Variants in ARHGAP19 observed in about 807,000 individuals in gnomAD.
ARHGAP19 encodes the protein rho GTPase-activating protein 19.
A neutral mutation model predicts 60.9 loss-of-function variants in ARHGAP19; 48 were observed. The ratio of observed to expected loss-of-function variants is 0.79; its 90% CI spans 0.62 to 1.00. The LOEUF (loss-of-function observed/expected upper bound fraction) is 1.00. ARHGAP19 is among the 50% of genes least tolerant of loss of function. ARHGAP19 has a pLI of 0.00. For synonymous variants in ARHGAP19, 209 were observed against 215.5 expected (o/e 0.97, Z 0.27); for missense variants, 562 against 597.2 (o/e 0.94, Z 0.61).
At position 97,229,760 on chromosome 10, in the gene ARHGAP19, T is replaced by G; in HGVS notation, c.1395+4A>C. The G allele has an allele frequency of 2.5e-6, 4 of 1,571,344 alleles. No homozygotes were observed. The highest frequency in any genetic ancestry group is 3.5e-6 in the Non-Finnish European group (4 of 1,143,202). ...GACAGACAGTCCAAAGAACAGTGTCTTACTAAGTTCCTATTTTCTTTGCTG... is the reference window on the plus strand; with the variant it reads ...GACAGACAGTCCAAAGAACAGTGTCGTACTAAGTTCCTATTTTCTTTGCTG... On this transcript the variant is annotated splice_donor_region_variant and intron_variant, in intron 10 of 11. Transcript: ENST00000358531.
chr10:97,274,817 G>A (rs1843003350), intron 1 of ARHGAP19, among the ~76,000 whole-genome samples: 1 of 152,170 alleles, frequency 6.6e-6, no homozygotes, highest in Admixed American at 6.5e-5. Flanking sequence ...TAGGCATACA[G>A]AAATAACAAG....
In ARHGAP19 at chr10:97,243,957, C is replaced by A. The variant is rs1321601088; in HGVS notation, c.1185+11G>T. Reference sequence around the variant, plus strand: ...CTAAAGCCCCATCACAACTTCCCTGCCTTTAGGCACCTGTCTAATAAGTTG... The same window carrying A: ...CTAAAGCCCCATCACAACTTCCCTGACTTTAGGCACCTGTCTAATAAGTTG... On this transcript the variant is annotated intron_variant, in intron 8 of 11. Transcript: ENST00000358531. The A allele has an allele frequency of 1.3e-6, 2 of 1,594,658 alleles. No individual in the cohort carries two copies. Among genetic ancestry groups the A allele is most frequent in the Non-Finnish European group, 1.7e-6 (2 of 1,169,800 alleles).
At chr10:97,271,874 T>C (rs140678534) in intron 1 of ARHGAP19, among the ~76,000 whole-genome samples, 4 of 151,896 alleles carry the variant, frequency 2.6e-5, no homozygotes, top group Non-Finnish European at 5.9e-5. Flanking sequence ...TGTGCCTCTA[T>C]TGATGATCAT....
At chr10:97,251,182 GGAAA>G (rs1389681069) in intron 6 of ARHGAP19, among the ~76,000 whole-genome samples, 2 of 88,782 alleles carry the variant, frequency 2.3e-5, no homozygotes, top group Non-Finnish European at 4.5e-5. Flanking sequence ...GAAGGGAAAG[GGAAA>G]GGAAGGGAAG....
chr10:97,246,583 ACATGG>A (rs1253421326), intron 6 of ARHGAP19, among the ~76,000 whole-genome samples: 1 of 152,220 alleles, frequency 6.6e-6, no homozygotes, highest in African/African-American at 2.4e-5. Flanking sequence ...TAAAAATCAA[ACATGG>A]CATGTATATA....
chr10:97,266,152 G>A lies in ARHGAP19; in HGVS notation c.57-27C>T, dbSNP rs369803409. On this transcript the variant is annotated intron_variant, in intron 1 of 11. Transcript: ENST00000358531. Reference sequence around the variant, plus strand: ...TGAAAAACACAGAAGAAAATCTTTCGGGACATCATTTTTGTATGTTTCTTA... The same window carrying A: ...TGAAAAACACAGAAGAAAATCTTTCAGGACATCATTTTTGTATGTTTCTTA... 1.9e-4 allele frequency: 311 copies of A among 1,609,762 alleles called. 1 individual carries two copies. Among genetic ancestry groups the A allele is most frequent in the Middle Eastern group, 8.2e-4 (5 of 6,070 alleles).
At chr10:97,264,783 T>C in intron 3 of ARHGAP19, 43 bp downstream of exon 3, 2 of 1,476,784 alleles carry the variant, frequency 1.4e-6, no homozygotes, top group Non-Finnish European at 9.4e-7. Context: ...GAAAACAGAA[T>C]TCTTCATTAA....
rs561654702 is a variant in ARHGAP19, at chr10:97,223,668, T to A, written c.*2454A>T. The A allele has an allele frequency of 2.6e-5, 4 of 152,314 alleles. No individual in the cohort carries two copies. Among genetic ancestry groups the A allele is most frequent in the East Asian group, 3.9e-4 (2 of 5,182 alleles). 9.4% of individuals were successfully genotyped at this position (152,314 alleles called of 1,614,324 possible). ...TGAAATAGATTCAAAAAAAATCTTA[T>A]AGATTAAAAAACTCTGTTAAATACT... is the stretch of plus-strand genomic sequence containing the variant. On this transcript the variant is annotated 3_prime_UTR_variant, in exon 12 of 12. Coordinates refer to ENST00000358531, the MANE Select transcript of ARHGAP19 (RefSeq NM_032900.6).
intron 4 of ARHGAP19, 81 bp downstream of exon 4, chr10:97,263,339 C>T (rs1455747633): frequency 1.4e-6 from 2 of 1,394,342 alleles, no homozygotes; most frequent in Non-Finnish European, 2.0e-6. Context: ...TTCTGTGGGT[C>T]ACAAGCAACA....
At chr10:97,272,748 G>T (rs1200042596) in intron 1 of ARHGAP19, among the ~76,000 whole-genome samples, 1 of 149,412 alleles carries the variant, frequency 6.7e-6, no homozygotes, top group Non-Finnish European at 1.5e-5. Flanking sequence ...CCTCCTCTTT[G>T]TTCCTGATAT....
At position 97,223,615 on chromosome 10, in the gene ARHGAP19, A is replaced by G. The variant is rs1480088047; in HGVS notation, c.*2507T>C. ...CACAAGAAGAGGCACTTCCAGAGAGATTGTTCCAACATGAAAAACAAACAC... is the reference window on the plus strand; with the variant it reads ...CACAAGAAGAGGCACTTCCAGAGAGGTTGTTCCAACATGAAAAACAAACAC... On this transcript the variant is annotated 3_prime_UTR_variant, in exon 12 of 12. Coordinates refer to ENST00000358531, the MANE Select transcript of ARHGAP19 (RefSeq NM_032900.6). 1 of 152,184 alleles carries G rather than the reference A, an allele frequency of 6.6e-6. No homozygotes were observed. Among genetic ancestry groups the G allele is most frequent in the African/African-American group, 2.4e-5 (1 of 41,434 alleles). The allele number at this position is 152,184 out of a possible 1,614,324, so 9.4% of individuals were successfully genotyped here. A position where few individuals can be genotyped will look rare whatever the true frequency, so the allele number is the denominator to read the frequency against.
chr10:97,257,282 C>CTTT (rs34047177), intron 5 of ARHGAP19, among the ~76,000 whole-genome samples: 1 of 81,590 alleles, frequency 1.2e-5, no homozygotes, highest in Non-Finnish European at 2.6e-5. Flanking sequence ...CTTTTAAATA[C>CTTT]TTTTTTTTTT....
At chr10:97,240,026 T>C (rs574228278) in intron 8 of ARHGAP19, among the ~76,000 whole-genome samples, 3 of 152,080 alleles carry the variant, frequency 2.0e-5, no homozygotes, top group South Asian at 4.2e-4. Context: ...TGTTAATTTC[T>C]TAGTTTTTAT....
intron 1 of ARHGAP19, among the ~76,000 whole-genome samples, chr10:97,290,294 G>A (rs1293961423): frequency 6.6e-6 from 1 of 152,130 alleles, no homozygotes; most frequent in Admixed American, 6.6e-5. Flanking sequence ...CCATCCCTCC[G>A]GATCTGGCAG....
chr10:97,290,357 T>A (rs1001595508), intron 1 of ARHGAP19, among the ~76,000 whole-genome samples: 2 of 152,206 alleles, frequency 1.3e-5, no homozygotes, highest in South Asian at 4.1e-4. Context: ...CTCCCGATCG[T>A]GCTAAAGGCT....
intron 8 of ARHGAP19, among the ~76,000 whole-genome samples, chr10:97,241,406 T>C (rs1160126379): frequency 1.5e-5 from 2 of 134,706 alleles, no homozygotes; most frequent in Non-Finnish European, 3.2e-5. Context: ...AAAAGAAAGA[T>C]AGAGTATTTA....
intron 1 of ARHGAP19, among the ~76,000 whole-genome samples, chr10:97,282,484 T>G (rs1843097591): frequency 6.6e-6 from 1 of 152,266 alleles, no homozygotes; most frequent in Non-Finnish European, 1.5e-5. Flanking sequence ...AGTCTCTTTT[T>G]GCTTAAGCTA....
chr10:97,223,618 G>A lies in ARHGAP19; in HGVS notation c.*2504C>T, dbSNP rs143078695. The A allele has an allele frequency of 1.3e-4, 20 of 152,232 alleles. No homozygotes were observed. The highest frequency in any genetic ancestry group is 4.8e-4 in the African/African-American group (20 of 41,532). The allele number at this position is 152,232 out of a possible 1,614,324, so 9.4% of individuals were successfully genotyped here. On this transcript the variant is annotated 3_prime_UTR_variant, in exon 12 of 12. Transcript: ENST00000358531. ...AAGAAGAGGCACTTCCAGAGAGATT[G>A]TTCCAACATGAAAAACAAACACAAT... is the stretch of plus-strand genomic sequence containing the variant.
At position 97,231,059 on chromosome 10, in the gene ARHGAP19, C is replaced by CAAAA. The variant is rs869291841; in HGVS notation, c.1285-1189_1285-1186dup. 3.8e-3 allele frequency among the ~76,000 whole-genome samples: 226 copies of CAAAA among 59,762 alleles called. 24 individuals carry two copies. The highest frequency in any genetic ancestry group is 0.014 in the Middle Eastern group (1 of 72). 39.2% of individuals were successfully genotyped at this position (59,762 alleles called of 152,430 possible). On this transcript the variant is annotated intron_variant, in intron 9 of 11. Transcript: ENST00000358531. ...ACACCTAGTGAGACTCTTGTCTCACCAAAAAAAAAAAAAAAAAAAAAAAAA... is the reference window on the plus strand; with the variant it reads ...ACACCTAGTGAGACTCTTGTCTCACCAAAAAAAAAAAAAAAAAAAAAAAAAAAAA...
Sources: gnomAD v4.1 joint callset for allele counts (sites outside exome capture counted in the v4.1 genomes callset) on GRCh38, gnomAD v4.1.1 for gene constraint, MANE v1.5 for transcripts, NCBI Gene and HGNC (gene_info 2026-07-23, HGNC 2026-07-21) for gene names.